The following PTGIR variants were observed in gnomAD, a reference collection of about 807,000 sequenced individuals.
PTGIR encodes prostaglandin I2 receptor.
A neutral mutation model predicts 17.6 loss-of-function variants in PTGIR; 16 were observed. The ratio of observed to expected loss-of-function variants is 0.91; its 90% CI spans 0.61 to 1.38. The LOEUF is 1.38. PTGIR is among the 40% of genes most tolerant of loss of function. PTGIR has a pLI of 0.00. For missense variants in PTGIR, 532 were observed against 548.6 expected (o/e 0.97, Z 0.30); for synonymous variants, 274 against 255.4 (o/e 1.07, Z -0.69).
At position 46,620,779 on chromosome 19, in the gene PTGIR, A is replaced by C. The variant is rs1972048396; in HGVS notation, c.*501T>G. 3.0e-6 allele frequency: 3 copies of C among 986,110 alleles called. No individual in the cohort carries two copies. In the African/African-American group the frequency reaches 5.2e-5, roughly 17 times the overall value. The allele number at this position is 986,110 out of a possible 1,614,324, so 61.1% of individuals were successfully genotyped here. ...CCAAGCCTGGTGGGGGACCAGCGGC[A>C]AGGGAAGGCAGGGAGCTTTTCCAAT... On this transcript the variant is annotated 3_prime_UTR_variant, in exon 3 of 3. Coordinates refer to ENST00000291294, the MANE Select transcript of PTGIR (RefSeq NM_000960.4).
chr19:46,619,595 A>AAT (rs1972021669), downstream of PTGIR, among the ~76,000 whole-genome samples: 2 of 106,730 alleles, frequency 1.9e-5, no homozygotes, highest in Non-Finnish European at 3.7e-5. Flanking sequence ...AAGAAAGAAA[A>AAT]GAAAGAAAGG....
At chr19:46,616,192 C>T (rs1446584382), downstream of PTGIR, among the ~76,000 whole-genome samples, 2 of 152,076 alleles carry the variant, frequency 1.3e-5, no homozygotes, top group African/African-American at 4.8e-5. Flanking sequence ...ACTATATTCC[C>T]AGTGGGCACG....
chr19:46,622,261 AG>A, intron 2 of PTGIR: 2 of 985,350 alleles, frequency 2.0e-6, no homozygotes, highest in Non-Finnish European at 2.4e-6. Context: ...TGCAGAGGCA[AG>A]GGTGGGGCCT....
chr19:46,621,844 G>T lies in PTGIR; in HGVS notation c.769-172C>A. 1 of 1,385,382 alleles carries T rather than the reference G, an allele frequency of 7.2e-7. No homozygotes were observed. Among genetic ancestry groups the T allele is most frequent in the Non-Finnish European group, 9.3e-7 (1 of 1,072,664 alleles). 85.8% of individuals were successfully genotyped at this position (1,385,382 alleles called of 1,614,324 possible). On this transcript the variant is annotated intron_variant, in intron 2 of 2. Transcript: ENST00000291294. The surrounding 1 kb of genome is among the most constrained non-coding windows in gnomAD (Gnocchi z 4.8). Reference sequence around the variant, plus strand: ...TATCTGGGGAACACAGGGAGAGAAAGCCCCAGGAAATTGCCAGAGATGCCT... The same window carrying T: ...TATCTGGGGAACACAGGGAGAGAAATCCCCAGGAAATTGCCAGAGATGCCT...
At chr19:46,611,408 C>G in the PTGIR span, among the ~76,000 whole-genome samples, 1 of 152,106 alleles carries the variant, frequency 6.6e-6, no homozygotes, top group African/African-American at 2.4e-5. Flanking sequence ...CAAAACATGC[C>G]AAGTTTGGAT....
downstream of PTGIR, among the ~76,000 whole-genome samples, chr19:46,619,580 AGAG>A (rs1188936994): frequency 0.017 from 1,973 of 118,800 alleles, 44 homozygotes; most frequent in Non-Finnish European, 0.023. Flanking sequence ...AGAGAGAGAG[AGAG>A]AAAGAAAGAA....
rs533517493 is a variant in PTGIR, at chr19:46,620,691, G to A, written c.*589C>T. On this transcript the variant is annotated 3_prime_UTR_variant, in exon 3 of 3. Transcript: ENST00000291294. ...TTTTTGTACCAAGCACATGTCCTACGTCATCACCCACAATGCAGCAGCCTC... is the reference window on the plus strand; with the variant it reads ...TTTTTGTACCAAGCACATGTCCTACATCATCACCCACAATGCAGCAGCCTC... The A allele has an allele frequency of 1.6e-5, 16 of 985,882 alleles. No homozygotes were observed. The East Asian group carries it at 1.6e-3, about 98-fold the overall frequency. 61.1% of individuals were successfully genotyped at this position (985,882 alleles called of 1,614,324 possible).
At chr19:46,612,239 T>C in the PTGIR span, among the ~76,000 whole-genome samples, 1 of 152,352 alleles carries the variant, frequency 6.6e-6, no homozygotes, top group Admixed American at 6.5e-5. Context: ...CTTGTGGCCT[T>C]GGGCAGATGC....
downstream of PTGIR, among the ~76,000 whole-genome samples, chr19:46,620,145 T>G (rs4267438): frequency 0.36 from 54,486 of 152,020 alleles, 10,001 homozygotes; most frequent in Middle Eastern, 0.44. Flanking sequence ...ACAGTGTCAC[T>G]CCGTCACCCA....
In PTGIR at chr19:46,624,221, G is replaced by A. The variant is rs1440429857; in HGVS notation, c.5C>T (p.Ala2Val). 4.2e-6 allele frequency: 6 copies of A among 1,443,700 alleles called. No homozygotes were observed. The highest frequency in any genetic ancestry group is 2.6e-5 in the East Asian group (1 of 38,294). The allele number at this position is 1,443,700 out of a possible 1,614,324, so 89.4% of individuals were successfully genotyped here. The change falls in exon 2 of 3, where the codon GCG (alanine) becomes GTG (valine). Residue 2 changes from alanine (A) to valine (V), a missense_variant. Ala to Val is a moderately conservative substitution (Grantham distance 64). Transcript: ENST00000291294. ...GTAGGTGAGGTTCCTGCACGAATCCGCCATCCCAGGTCTGGGCTGGAGGGT... is the reference window on the plus strand; with the variant it reads ...GTAGGTGAGGTTCCTGCACGAATCCACCATCCCAGGTCTGGGCTGGAGGGT... M[A>V]DSCRNLTYVR... is the part of the protein sequence containing the mutation.
Position 46,621,478 on chromosome 19 carries a change from T to A in PTGIR, c.963A>T (p.Thr321=). 1 of 1,613,874 alleles carries A rather than the reference T, an allele frequency of 6.2e-7. No homozygotes were observed. The highest frequency in any genetic ancestry group is 8.5e-7 in the Non-Finnish European group (1 of 1,179,920). ...CLGPAHGDSQ[T]PLSQLASGRR... is the part of the protein sequence containing the mutation. The stretch of plus-strand genomic sequence containing the variant: ...TCCCTGAGGCGAGCTGGGAAAGGGG[T>A]GTCTGCGAGTCTCCGTGGGCAGGCC... The change falls in exon 3 of 3, where the codon ACA becomes ACT. Residue 321 remains threonine (T), a synonymous_variant. Coordinates refer to ENST00000291294, the MANE Select transcript of PTGIR (RefSeq NM_000960.4). The surrounding 1 kb of genome is among the most constrained non-coding windows in gnomAD (Gnocchi z 4.8).
the PTGIR span, among the ~76,000 whole-genome samples, chr19:46,612,858 T>C: frequency 6.6e-5 from 10 of 151,824 alleles, no homozygotes; most frequent in Non-Finnish European, 1.0e-4. Flanking sequence ...CTCACAAGAG[T>C]GAGTCTTCGT....
chr19:46,623,528 T>C lies in PTGIR; in HGVS notation c.698A>G (p.Asp233Gly), dbSNP rs1305778219. 1.3e-6 allele frequency: 2 copies of C among 1,566,658 alleles called. No individual in the cohort carries two copies. Among genetic ancestry groups the C allele is most frequent in the Non-Finnish European group, 1.7e-6 (2 of 1,155,380 alleles). ...SLGPRPRTGE[D>G]EVDHLILLAL... ...CAGCAGGATCAGGTGGTCCACCTCGTCCTCTCCGGTGCGCGGCCGTGGACC... is the reference window on the plus strand; with the variant it reads ...CAGCAGGATCAGGTGGTCCACCTCGCCCTCTCCGGTGCGCGGCCGTGGACC... Residue 233 changes from aspartate (D) to glycine (G), a missense_variant, in exon 2 of 3, where the codon GAC (aspartate) becomes GGC (glycine). Asp to Gly is a moderately conservative substitution (Grantham distance 94). Coordinates refer to ENST00000291294, the MANE Select transcript of PTGIR (RefSeq NM_000960.4).
In PTGIR at chr19:46,621,520, G is replaced by C; in HGVS notation, c.921C>G (p.Val307=). 1 of 1,614,216 alleles carries C rather than the reference G, an allele frequency of 6.2e-7. No homozygotes were observed. The highest frequency in any genetic ancestry group is 1.3e-5 in the African/African-American group (1 of 75,070). ...KAVFQRLKLW[V]CCLCLGPAHG... The stretch of plus-strand genomic sequence containing the variant: ...GGGCAGGCCCGAGGCACAGGCAGCA[G>C]ACCCAGAGCTTGAGTCGCTGGAAGA... Residue 307 remains valine, a synonymous_variant, in exon 3 of 3, where the codon GTC becomes GTG. Coordinates refer to ENST00000291294, the MANE Select transcript of PTGIR (RefSeq NM_000960.4). This position sits in a 1 kb window ranked among gnomAD's most constrained non-coding sequence, Gnocchi z 4.8.
downstream of PTGIR, among the ~76,000 whole-genome samples, chr19:46,617,511 C>A (rs556884717): frequency 6.6e-6 from 1 of 152,180 alleles, no homozygotes; most frequent in African/African-American, 2.4e-5. Context: ...CCAGCTTCTA[C>A]GTTGCATCCT....
downstream of PTGIR, among the ~76,000 whole-genome samples, chr19:46,617,121 T>C (rs1293287421): frequency 1.3e-5 from 2 of 152,226 alleles, no homozygotes; most frequent in African/African-American, 4.8e-5. Context: ...CACGGCCTCT[T>C]TGAGGAAACC....
At chr19:46,619,575 G>GAA (rs1568675647), downstream of PTGIR, among the ~76,000 whole-genome samples, 5 of 101,986 alleles carry the variant, frequency 4.9e-5, no homozygotes, top group South Asian at 3.3e-4. Context: ...GAGAGAGAGA[G>GAA]AGAGAGAGAA....
downstream of PTGIR, among the ~76,000 whole-genome samples, chr19:46,620,179 A>G (rs1972038191): frequency 6.6e-6 from 1 of 152,184 alleles, no homozygotes; most frequent in Admixed American, 6.5e-5. Flanking sequence ...AGCTCACTGC[A>G]GCCTCAACCT....
downstream of PTGIR, among the ~76,000 whole-genome samples, chr19:46,619,653 G>GA (rs376416125): frequency 2.2e-4 from 17 of 77,788 alleles, no homozygotes; most frequent in South Asian, 7.5e-3. Context: ...AAGAAAGAAA[G>GA]AAAAGAAAGA....
Sources: gnomAD v4.1 joint callset for allele counts (sites outside exome capture counted in the v4.1 genomes callset) on GRCh38, gnomAD v4.1.1 for gene constraint, Gnocchi (gnomAD v3.1) non-coding constraint, MANE v1.5 for transcripts, NCBI Gene and HGNC (gene_info 2026-07-23, HGNC 2026-07-21) for gene names.